The following C17orf114 variants were observed in gnomAD, a reference collection of about 807,000 sequenced individuals.
C17orf114 encodes the protein chromosome 17 open reading frame 114.
chr17:4,803,116 A>G (rs2150662760), upstream of C17orf114, among the ~76,000 whole-genome samples: 1 of 152,002 alleles, frequency 6.6e-6, no homozygotes, highest in South Asian at 2.1e-4. Flanking sequence ...ACGGGGTTTC[A>G]CCATGTTAGC....
Position 4,801,348 on chromosome 17 carries a change from G to A in C17orf114, c.181C>T (p.Arg61Ter), listed in dbSNP as rs1905503528. The A allele has an allele frequency of 2.5e-6, 1 of 398,692 alleles. No homozygotes were observed. The highest frequency in any genetic ancestry group is 4.4e-6 in the Non-Finnish European group (1 of 226,226). 24.7% of individuals were successfully genotyped at this position (398,692 alleles called of 1,614,324 possible). ...TGCAGCTGGTGGCGGAAGGAGAGTC[G>A]GGCTTTCCTGCTGAAGTAGGCACCA... is the stretch of plus-strand genomic sequence containing the variant. The change falls in exon 2 of 2, where the codon CGA (arginine) becomes TGA (stop). Residue 61 changes from arginine (R) to a stop codon, truncating the protein, a stop_gained. Transcript: ENST00000635921. LOFTEE classifies it high-confidence loss of function.
At chr17:4,803,165 C>T (rs1366909515), upstream of C17orf114, among the ~76,000 whole-genome samples, 4 of 151,996 alleles carry the variant, frequency 2.6e-5, no homozygotes, top group Non-Finnish European at 2.9e-5. Flanking sequence ...GCAATCCACC[C>T]GCCTTGTCCT....
intron 1 of C17orf114, among the ~76,000 whole-genome samples, chr17:4,801,735 AT>A (rs533686137): frequency 2.3e-3 from 335 of 142,588 alleles, no homozygotes; most frequent in African/African-American, 2.3e-3. Flanking sequence ...GAAATTCTTA[AT>A]TTTTTTTTTT....
chr17:4,805,453 G>C (rs981501290), upstream of C17orf114, among the ~76,000 whole-genome samples: 1 of 151,562 alleles, frequency 6.6e-6, no homozygotes, highest in African/African-American at 2.4e-5. Flanking sequence ...GGCCGGGAAC[G>C]GTGGCTCACG....
upstream of C17orf114, chr17:4,802,353 C>T: frequency 2.5e-6 from 1 of 398,918 alleles, no homozygotes; most frequent in East Asian, 3.6e-5. Context: ...CTGGGAATGG[C>T]CAGGAGGGCC....
upstream of C17orf114, among the ~76,000 whole-genome samples, chr17:4,805,815 T>C (rs780095082): frequency 9.2e-5 from 14 of 151,622 alleles, no homozygotes; most frequent in Non-Finnish European, 1.8e-4. Context: ...TAGCTGGGCG[T>C]GGTGGCGGAC....
At chr17:4,803,549 TGAGTA>T (rs1905568396), upstream of C17orf114, among the ~76,000 whole-genome samples, 1 of 145,200 alleles carries the variant, frequency 6.9e-6, no homozygotes, top group Non-Finnish European at 1.5e-5. Context: ...CTCAGCCTCC[TGAGTA>T]GCTGGGACTA....
At chr17:4,806,861 G>A (rs1211011219), upstream of C17orf114, 3 of 149,140 alleles carry the variant, frequency 2.0e-5, no homozygotes, top group African/African-American at 7.3e-5. Flanking sequence ...GGGGTGCCCC[G>A]GGAGGCAGCG....
upstream of C17orf114, among the ~76,000 whole-genome samples, chr17:4,803,065 C>T (rs1905550604): frequency 6.6e-6 from 1 of 152,030 alleles, no homozygotes; most frequent in Non-Finnish European, 1.5e-5. Flanking sequence ...TACAGGCGTA[C>T]ACCACCATGC....
At chr17:4,803,216 G>A (rs1905555221), upstream of C17orf114, among the ~76,000 whole-genome samples, 1 of 151,818 alleles carries the variant, frequency 6.6e-6, no homozygotes, top group Non-Finnish European at 1.5e-5. Flanking sequence ...ACCGCACCCG[G>A]CCTCAAAGAT....
chr17:4,806,693 G>C (rs1453091642), upstream of C17orf114: 1 of 152,066 alleles, frequency 6.6e-6, no homozygotes, highest in Non-Finnish European at 1.5e-5. Flanking sequence ...AGGTACAAAC[G>C]CTATCTGGGC....
chr17:4,803,648 G>C (rs191547964), upstream of C17orf114, among the ~76,000 whole-genome samples: 329 of 151,128 alleles, frequency 2.2e-3, no homozygotes, highest in Middle Eastern at 6.9e-3. Context: ...GGATGGTCTC[G>C]ATCTCCTGAG....
upstream of C17orf114, among the ~76,000 whole-genome samples, chr17:4,803,525 C>T (rs1210414983): frequency 7.0e-6 from 1 of 143,684 alleles, no homozygotes; most frequent in East Asian, 2.2e-4. Context: ...CCCGGGTTCA[C>T]GCCATTCTCC....
chr17:4,804,748 G>C (rs1400827343), upstream of C17orf114, among the ~76,000 whole-genome samples: 1 of 151,070 alleles, frequency 6.6e-6, no homozygotes, highest in Non-Finnish European at 1.5e-5. Flanking sequence ...ACCACACTCA[G>C]CTAATTTTTT....
chr17:4,802,967 G>C (rs952615099), upstream of C17orf114, among the ~76,000 whole-genome samples: 6 of 152,174 alleles, frequency 3.9e-5, no homozygotes, highest in African/African-American at 1.4e-4. Flanking sequence ...GCCCAGGGTG[G>C]AGTGCAGTGG....
At chr17:4,806,329 A>G (rs540730584), upstream of C17orf114, among the ~76,000 whole-genome samples, 3 of 152,346 alleles carry the variant, frequency 2.0e-5, no homozygotes, top group African/African-American at 7.2e-5. Context: ...CTCCCTAGTT[A>G]CCCAAGATAA....
chr17:4,806,435 A>C (rs930651551), upstream of C17orf114, among the ~76,000 whole-genome samples: 1 of 152,220 alleles, frequency 6.6e-6, no homozygotes, highest in African/African-American at 2.4e-5. Flanking sequence ...GAGAAAAATA[A>C]ATCTGCTTTT....
chr17:4,801,809 C>A (rs1472980442), intron 1 of C17orf114, among the ~76,000 whole-genome samples: 2 of 151,922 alleles, frequency 1.3e-5, no homozygotes, highest in Non-Finnish European at 2.9e-5. Context: ...CGGCTCACTG[C>A]AACCTCCGCC....
chr17:4,803,373 C>T (rs994303269), upstream of C17orf114, among the ~76,000 whole-genome samples: 7 of 150,896 alleles, frequency 4.6e-5, no homozygotes, highest in Admixed American at 1.3e-4. Flanking sequence ...TCACAACCCT[C>T]ACCTTGAGTC....
Sources: gnomAD v4.1 joint callset for allele counts (sites outside exome capture counted in the v4.1 genomes callset) on GRCh38, gnomAD v4.1.1 for gene constraint, MANE v1.5 for transcripts, NCBI Gene and HGNC (gene_info 2026-07-23, HGNC 2026-07-21) for gene names.